Variants in ANXA13 observed in about 807,000 individuals in gnomAD.
ANXA13 encodes annexin XIII.
In ANXA13, 36 loss-of-function variants were observed where a neutral mutation model predicts 46.6. The ratio of observed to expected loss-of-function variants is 0.77; its 90% CI spans 0.59 to 1.02. The LOEUF (loss-of-function observed/expected upper bound fraction) is 1.02. ANXA13 is among the 50% of genes least tolerant of loss of function. ANXA13 has a pLI of 0.00. For missense variants in ANXA13, 417 were observed against 396.5 expected (o/e 1.05, Z -0.44); for synonymous variants, 163 against 152.9 (o/e 1.07, Z -0.49).
intron 1 of ANXA13, among the ~76,000 whole-genome samples, chr8:123,733,850 G>C (rs1160747599): frequency 6.6e-6 from 1 of 152,196 alleles, no homozygotes; most frequent in African/African-American, 2.4e-5. Context: ...GGCATCGGTG[G>C]CTTTTAGAAC....
intron 9 of ANXA13, among the ~76,000 whole-genome samples, chr8:123,688,174 G>C (rs1158842792): frequency 1.3e-5 from 2 of 152,250 alleles, no homozygotes; most frequent in African/African-American, 4.8e-5. Flanking sequence ...TTGTGGGAGG[G>C]ACCCAGTGGG....
chr8:123,693,705 A>T lies in ANXA13; in HGVS notation c.540+6T>A. ...TTTGCAGAGACTGGCATGTCTGCAC[A>T]CATACATCATACAGATCTTTGGCAT... On this transcript the variant is annotated splice_donor_region_variant and intron_variant, in intron 7 of 10. Coordinates refer to ENST00000419625, the MANE Select transcript of ANXA13 (RefSeq NM_004306.4). 6.2e-7 allele frequency: 1 copy of T among 1,611,556 alleles called. No individual in the cohort carries two copies. The highest frequency in any genetic ancestry group is 8.5e-7 in the Non-Finnish European group (1 of 1,178,322).
At chr8:123,693,618 A>G in intron 7 of ANXA13, 93 bp downstream of exon 7, 1 of 1,103,316 alleles carries the variant, frequency 9.1e-7, no homozygotes, top group African/African-American at 1.6e-5. Flanking sequence ...TTTCCCAAGT[A>G]ACTCCTCTTT....
chr8:123,709,076 AC>A (rs1231389219), intron 2 of ANXA13, among the ~76,000 whole-genome samples: 1 of 152,014 alleles, frequency 6.6e-6, no homozygotes, highest in Non-Finnish European at 1.5e-5. Context: ...CCCCCATTCA[AC>A]CCAGTTCACC....
Position 123,702,668 on chromosome 8 carries a change from G to T in ANXA13, c.160C>A (p.Gln54Lys), listed in dbSNP as rs767705258. Reference sequence around the variant, plus strand: ...TTGCCGTACGTTGCCTTGTACTTTTGCTTGATTTGTTGCCTCTCATCTGAT... The same window carrying T: ...TTGCCGTACGTTGCCTTGTACTTTTTCTTGATTTGTTGCCTCTCATCTGAT... ...RTSDERQQIK[Q>K]KYKATYGKEL... The change falls in exon 3 of 11, where the codon CAA (glutamine) becomes AAA (lysine). Residue 54 changes from glutamine (Q) to lysine (K), a missense_variant. Transcript: ENST00000419625. 21 of 1,613,912 alleles carry T rather than the reference G, an allele frequency of 1.3e-5. No homozygotes were observed. Among genetic ancestry groups the T allele is most frequent in the Non-Finnish European group, 1.7e-5 (20 of 1,179,994 alleles).
At chr8:123,716,025 A>T (rs1467010803) in intron 1 of ANXA13, among the ~76,000 whole-genome samples, 1 of 152,160 alleles carries the variant, frequency 6.6e-6, no homozygotes, top group Non-Finnish European at 1.5e-5. Context: ...GCAGCAGGAG[A>T]GTGTTGAGTC....
At position 123,705,676 on chromosome 8, in the gene ANXA13, G is replaced by A. The variant is rs184221708; in HGVS notation, c.92-2940C>T. On this transcript the variant is annotated intron_variant, in intron 2 of 10. Transcript: ENST00000419625. Reference sequence around the variant, plus strand: ...ACTGCTGTCTTGCTCTGGTTGGTGTGTGGACCTAGATGATGGCTGCCACCC... The same window carrying A: ...ACTGCTGTCTTGCTCTGGTTGGTGTATGGACCTAGATGATGGCTGCCACCC... Among the ~76,000 whole-genome samples, 283 of 152,314 alleles carry A rather than the reference G, an allele frequency of 1.9e-3. 2 individuals are homozygous for A. Among genetic ancestry groups the A allele is most frequent in the Non-Finnish European group, 2.6e-3 (178 of 68,034 alleles).
At chr8:123,719,942 T>A (rs1344522813) in intron 1 of ANXA13, among the ~76,000 whole-genome samples, 1 of 151,964 alleles carries the variant, frequency 6.6e-6, no homozygotes, top group Non-Finnish European at 1.5e-5. Context: ...TGGGATGTAG[T>A]AGCACGGTGC....
At chr8:123,702,587 C>T (rs979676185) in intron 3 of ANXA13, 55 bp downstream of exon 3, 30 of 1,444,430 alleles carry the variant, frequency 2.1e-5, no homozygotes, top group East Asian at 1.1e-4. Context: ...ATGAGGAAGC[C>T]GAGACGGCTG....
chr8:123,710,656 T>C (rs1193792132), intron 2 of ANXA13, among the ~76,000 whole-genome samples: 3 of 151,772 alleles, frequency 2.0e-5, no homozygotes, highest in Non-Finnish European at 4.4e-5. Context: ...AGCTAGGATG[T>C]CTCTAAATTG....
intron 1 of ANXA13, among the ~76,000 whole-genome samples, chr8:123,717,376 AT>A (rs1292863565): frequency 1.3e-5 from 2 of 152,172 alleles, no homozygotes; most frequent in African/African-American, 4.8e-5. Context: ...TTGTGATAAG[AT>A]TTCATAAAAG....
chr8:123,697,277 C>T (rs1249589573), intron 4 of ANXA13, among the ~76,000 whole-genome samples: 4 of 152,152 alleles, frequency 2.6e-5, no homozygotes, highest in African/African-American at 9.7e-5. Flanking sequence ...GCGTTGGCTG[C>T]CTCCCTGCTG....
At chr8:123,710,309 A>T (rs566838429) in intron 2 of ANXA13, among the ~76,000 whole-genome samples, 1 of 152,352 alleles carries the variant, frequency 6.6e-6, no homozygotes, top group South Asian at 2.1e-4. Context: ...CAGAATAAGC[A>T]AATCTGTGGA....
intron 2 of ANXA13, among the ~76,000 whole-genome samples, chr8:123,704,931 C>T (rs567079348): frequency 1.3e-5 from 2 of 152,346 alleles, no homozygotes; most frequent in South Asian, 4.1e-4. Flanking sequence ...TAGCCCTAAT[C>T]TCTCCTCTGA....
chr8:123,710,976 A>G (rs139886246), intron 2 of ANXA13, among the ~76,000 whole-genome samples: 7 of 152,236 alleles, frequency 4.6e-5, no homozygotes, highest in African/African-American at 1.7e-4. Flanking sequence ...GCAAGCCCAG[A>G]GTCAATCAAT....
chr8:123,700,368 G>GCTCT (rs1330923308), intron 3 of ANXA13, among the ~76,000 whole-genome samples: 1 of 152,190 alleles, frequency 6.6e-6, no homozygotes, highest in Non-Finnish European at 1.5e-5. Context: ...GGATAGCTCA[G>GCTCT]CTCTACTCCT....
chr8:123,731,511 A>G (rs1307215193), intron 1 of ANXA13, among the ~76,000 whole-genome samples: 1 of 152,212 alleles, frequency 6.6e-6, no homozygotes, highest in Non-Finnish European at 1.5e-5. Context: ...ATGGGGATAT[A>G]TAGGTGAACA....
At chr8:123,732,499 G>A (rs1028656780) in intron 1 of ANXA13, among the ~76,000 whole-genome samples, 1 of 152,124 alleles carries the variant, frequency 6.6e-6, no homozygotes, top group African/African-American at 2.4e-5. Context: ...TGTAGCACTG[G>A]GAGGTGGGCT....
At chr8:123,702,909 A>C (rs1183684496) in intron 2 of ANXA13, among the ~76,000 whole-genome samples, 173 bp from the exon 3 acceptor site, 1 of 152,188 alleles carries the variant, frequency 6.6e-6, no homozygotes, top group Non-Finnish European at 1.5e-5. Context: ...TATTCTTTTC[A>C]TTCACTTAGA....
Sources: gnomAD v4.1 joint callset for allele counts (sites outside exome capture counted in the v4.1 genomes callset) on GRCh38, gnomAD v4.1.1 for gene constraint, MANE v1.5 for transcripts, NCBI Gene and HGNC (gene_info 2026-07-23, HGNC 2026-07-21) for gene names.